The following ATP8B4 variants were observed in gnomAD, a reference collection of about 807,000 sequenced individuals.
ATP8B4 encodes probable phospholipid-transporting ATPase IM.
Under a neutral mutation model 145.6 loss-of-function variants are expected in ATP8B4, and 133 were observed. The ratio of observed to expected loss-of-function variants is 0.91; its 90% CI spans 0.79 to 1.05. The LOEUF (loss-of-function observed/expected upper bound fraction) is 1.05. Ranked by LOEUF, ATP8B4 falls within the 50% of genes least tolerant of loss-of-function variation. The probability of loss-of-function intolerance (pLI) is 0.00; values close to 1 mark genes in which losing one functional copy is unlikely to be tolerated. For missense variants in ATP8B4, 1,458 were observed against 1,425.2 expected (o/e 1.02, Z -0.37); for synonymous variants, 507 against 492.9 (o/e 1.03, Z -0.38).
At chr15:50,018,430 T>C (rs2153578454) in intron 6 of ATP8B4, among the ~76,000 whole-genome samples, 1 of 152,324 alleles carries the variant, frequency 6.6e-6, no homozygotes, top group African/African-American at 2.4e-5. Flanking sequence ...TGGAATCAGA[T>C]ACAGACTGTG....
rs777021339 is a variant in ATP8B4, at chr15:49,972,545, A to C, written c.1243+37T>G. On this transcript the variant is annotated intron_variant, in intron 13 of 27. Coordinates refer to ENST00000284509, the MANE Select transcript of ATP8B4 (RefSeq NM_024837.4). ...GGGGTCAGTTATTCAAGAAATTGTT[A>C]ACAATATCGTTAAGAGAAAGGAACT... 4 of 1,570,782 alleles carry C rather than the reference A, an allele frequency of 2.5e-6. No individual in the cohort carries two copies. In the Admixed American group the frequency reaches 7.5e-5, roughly 29 times the overall value.
At position 50,133,915 on chromosome 15, in the gene ATP8B4, C is replaced by T. The variant is rs553626641; in HGVS notation, c.-42-26907G>A. ...CTTTGGGAGGCCAAGGCAGGAGGAT[C>T]GCTGAGGCCAGGAGCTTAAGACCAG... On this transcript the variant is annotated intron_variant, in intron 1 of 3. Coordinates refer to the ATP8B4 transcript ENST00000558829. Among the ~76,000 whole-genome samples the T allele has an allele frequency of 2.0e-3, 307 of 152,086 alleles. 3 individuals carry two copies. The highest frequency in any genetic ancestry group is 6.9e-3 in the African/African-American group (288 of 41,482).
At chr15:50,028,455 G>C (rs1043198059) in intron 6 of ATP8B4, among the ~76,000 whole-genome samples, 1 of 152,044 alleles carries the variant, frequency 6.6e-6, no homozygotes, top group Non-Finnish European at 1.5e-5. Context: ...ACCTACCAAG[G>C]TTTTCTACCA....
intron 20 of ATP8B4, among the ~76,000 whole-genome samples, chr15:49,904,412 C>A (rs2038386396): frequency 6.6e-6 from 1 of 152,134 alleles, no homozygotes; most frequent in African/African-American, 2.4e-5. Context: ...GTGCCCCAAG[C>A]AGTCAAAATA....
At chr15:50,181,314 A>C (rs2044844240) in intron 1 of ATP8B4, among the ~76,000 whole-genome samples, 1 of 152,254 alleles carries the variant, frequency 6.6e-6, no homozygotes, top group African/African-American at 2.4e-5. Flanking sequence ...GTACAGAAGT[A>C]GCACTAAGGC....
At position 50,038,208 on chromosome 15, in the gene ATP8B4, T is replaced by C. The variant is rs143188991; in HGVS notation, c.362+560A>G. Among the ~76,000 whole-genome samples, 192 of 152,356 alleles carry C rather than the reference T, an allele frequency of 1.3e-3. 1 individual carries two copies. Among genetic ancestry groups the C allele is most frequent in the African/African-American group, 4.4e-3 (183 of 41,584 alleles). On this transcript the variant is annotated intron_variant, in intron 6 of 27. Transcript: ENST00000284509. ...AGGTGTTTTTGCAGTCGTTTGTGGATAAATGCATGTGTTTTTAAAGCATTT... is the reference window on the plus strand; with the variant it reads ...AGGTGTTTTTGCAGTCGTTTGTGGACAAATGCATGTGTTTTTAAAGCATTT...
intron 25 of ATP8B4, among the ~76,000 whole-genome samples, chr15:49,868,801 G>A (rs1300641216): frequency 6.6e-6 from 1 of 152,152 alleles, no homozygotes; most frequent in Non-Finnish European, 1.5e-5. Context: ...CATATTATCT[G>A]TGGAGTTCCA....
At chr15:49,867,969 A>G (rs1230273070) in intron 25 of ATP8B4, among the ~76,000 whole-genome samples, 13 of 152,230 alleles carry the variant, frequency 8.5e-5, no homozygotes. Flanking sequence ...GCAAAAAGAT[A>G]TGAGACATGA....
At chr15:50,029,260 GA>G (rs2050258794) in intron 6 of ATP8B4, among the ~76,000 whole-genome samples, 1 of 71,116 alleles carries the variant, frequency 1.4e-5, no homozygotes, top group African/African-American at 7.2e-5. Flanking sequence ...AAAAAAAACA[GA>G]AAAATACAGC....
intron 1 of ATP8B4, among the ~76,000 whole-genome samples, chr15:50,163,028 GTTATC>G (rs2044544535): frequency 6.6e-6 from 1 of 152,106 alleles, no homozygotes; most frequent in South Asian, 2.1e-4. Flanking sequence ...CCTTCCCTGT[GTTATC>G]TTGAATTCCA....
chr15:50,120,895 T>C (rs2057262811), upstream of ATP8B4, among the ~76,000 whole-genome samples: 1 of 152,156 alleles, frequency 6.6e-6, no homozygotes, highest in Admixed American at 6.6e-5. Flanking sequence ...CCTACACTTA[T>C]CTGGGCCATC....
intron 1 of ATP8B4, among the ~76,000 whole-genome samples, chr15:50,163,348 C>G (rs2044548797): frequency 6.6e-6 from 1 of 152,226 alleles, no homozygotes; most frequent in Non-Finnish European, 1.5e-5. Flanking sequence ...TTGGGGGCAC[C>G]CCAAGCCCAG....
chr15:50,029,419 G>A (rs920297227), intron 6 of ATP8B4, among the ~76,000 whole-genome samples: 6 of 151,930 alleles, frequency 3.9e-5, no homozygotes, highest in African/African-American at 1.5e-4. Flanking sequence ...TTGGCTTGGG[G>A]CTATGTAATT....
At position 49,987,443 on chromosome 15, in the gene ATP8B4, T is replaced by C; in HGVS notation, c.696A>G (p.Arg232=). Residue 232 remains arginine (R), a synonymous_variant, in exon 10 of 28, where the codon AGA becomes AGG. Transcript: ENST00000284509. ...HSLNNEKIIL[R]GCILRNTSWC... ...AGCTGGTATTTCTCAGGATGCAGCC[T>C]CTCAGGATTATCTTCTCATTGTTGA... 6.2e-7 allele frequency: 1 copy of C among 1,613,970 alleles called. No individual in the cohort carries two copies.
chr15:50,087,237 T>A (rs2055240817), intron 2 of ATP8B4, among the ~76,000 whole-genome samples: 1 of 133,448 alleles, frequency 7.5e-6, no homozygotes, highest in African/African-American at 2.8e-5. Flanking sequence ...ATTTATTATA[T>A]ATAATAGAAT....
At chr15:50,120,617 TTTTA>T (rs1345601718), upstream of ATP8B4, among the ~76,000 whole-genome samples, 1 of 152,150 alleles carries the variant, frequency 6.6e-6, no homozygotes, top group Non-Finnish European at 1.5e-5. Context: ...GTGTATGTGT[TTTTA>T]TTTCTTAGGA....
chr15:50,129,075 T>A (rs538247796), intron 1 of ATP8B4, among the ~76,000 whole-genome samples: 11 of 152,070 alleles, frequency 7.2e-5, no homozygotes, highest in Non-Finnish European at 1.5e-4. Flanking sequence ...CTCAAAAAAA[T>A]AAATAAATAA....
chr15:49,901,356 G>A (rs2009833), intron 20 of ATP8B4, 117 bp from the exon 21 acceptor site: 435,064 of 1,084,428 alleles, frequency 0.4, 94,047 homozygotes, highest in East Asian at 0.88. Context: ...AGAGAATATG[G>A]CATAAGACCC....
In ATP8B4 at chr15:50,063,085, T is replaced by TA. The variant is rs753490770; in HGVS notation, c.87+11041dup. On this transcript the variant is annotated intron_variant, in intron 3 of 27. Transcript: ENST00000284509. Reference sequence around the variant, plus strand: ...AAACCAGCACTATAATAGATGTCTTTAAAAAAAAAAAAAGCCTTTCTGCTT... The same window carrying TA: ...AAACCAGCACTATAATAGATGTCTTTAAAAAAAAAAAAAAGCCTTTCTGCTT... 5.2e-3 allele frequency among the ~76,000 whole-genome samples: 715 copies of TA among 138,546 alleles called. 4 individuals carry two copies. The highest frequency in any genetic ancestry group is 0.016 in the South Asian group (70 of 4,378). The allele number at this position is 138,546 out of a possible 152,430, so 90.9% of individuals were successfully genotyped here. A position where few individuals can be genotyped will look rare whatever the true frequency, so the allele number is the denominator to read the frequency against.
Sources: gnomAD v4.1 joint callset for allele counts (sites outside exome capture counted in the v4.1 genomes callset) on GRCh38, gnomAD v4.1.1 for gene constraint, MANE v1.5 for transcripts, NCBI Gene and HGNC (gene_info 2026-07-23, HGNC 2026-07-21) for gene names.